The following GET1 variants were observed in gnomAD, a reference collection of about 807,000 sequenced individuals.
GET1 encodes the protein congenital heart disease 5 protein.
A neutral mutation model predicts 22.6 loss-of-function variants in GET1; 20 were observed. The observed-to-expected ratio is 0.89, with a 90% CI of 0.62 to 1.29. The LOEUF (loss-of-function observed/expected upper bound fraction) is 1.29. GET1 is among the 50% of genes most tolerant of loss of function. The probability of loss-of-function intolerance (pLI) is 0.00; values close to 1 mark genes in which losing one functional copy is unlikely to be tolerated. For missense variants in GET1, 209 were observed against 219.9 expected (o/e 0.95, Z 0.31); for synonymous variants, 92 against 83.8 (o/e 1.10, Z -0.53).
chr21:39,406,156 T>G (rs766775595), exon 5 of GET1: 20 of 1,614,272 alleles, frequency 1.2e-5, no homozygotes, highest in Non-Finnish European at 1.5e-5. Flanking sequence ...TCTGGAAGAC[T>G]TACCAAATGA....
At position 39,380,471 on chromosome 21, in the gene GET1, G is replaced by A. The variant is rs758158378; in HGVS notation, c.87G>A (p.Pro29=). The stretch of plus-strand genomic sequence containing the variant: ...GCAATGTTCTTAGGATCCTCCTCCC[G>A]TCCTTCTCATCCTTCGTAAGTGGCT... ...FGCNVLRILL[P]SFSSFMSRVL... is the part of the protein sequence containing the mutation. Residue 29 remains proline, a synonymous_variant, in exon 1 of 5, where the codon CCG becomes CCA. Transcript: ENST00000649170. 4.3e-6 allele frequency: 7 copies of A among 1,612,306 alleles called. No homozygotes were observed. Among genetic ancestry groups the A allele is most frequent in the Middle Eastern group, 1.6e-4 (1 of 6,076 alleles).
intron 1 of GET1, chr21:39,387,901 A>T: frequency 2.1e-6 from 2 of 933,052 alleles, no homozygotes; most frequent in African/African-American, 1.8e-5. Context: ...ATTGTGTGCC[A>T]GGCACACTTT....
At chr21:39,413,047 A>T (rs2040386778) in intron 1 of GET1, among the ~76,000 whole-genome samples, 1 of 152,222 alleles carries the variant, frequency 6.6e-6, no homozygotes, top group African/African-American at 2.4e-5. Flanking sequence ...TTGCATCAAC[A>T]GTCAGCAGGG....
rs547739041 is a variant in GET1, at chr21:39,388,162, C to T, written c.103-2536C>T. On this transcript the variant is annotated intron_variant, in intron 1 of 4. Transcript: ENST00000649170. ...GGCCGAGGCTGGCGGATCGCTTGAG[C>T]TCAGGAGTTCACTGGCAACATAGTG... Among the ~76,000 whole-genome samples the T allele has an allele frequency of 1.6e-4, 25 of 152,166 alleles. No individual in the cohort carries two copies. The East Asian group carries it at 2.9e-3, about 18-fold the overall frequency.
At chr21:39,416,252 C>T (rs1384706429) in intron 1 of GET1, among the ~76,000 whole-genome samples, 4 of 152,188 alleles carry the variant, frequency 2.6e-5, no homozygotes, top group Admixed American at 1.3e-4. Flanking sequence ...ACAAGTGACT[C>T]ATCGCTGAGG....
chr21:39,410,225 T>C, downstream of GET1: 1 of 1,325,208 alleles, frequency 7.5e-7, no homozygotes, highest in Non-Finnish European at 1.1e-6. Context: ...TGTTAAGACA[T>C]GTTTAATCAG....
downstream of GET1, chr21:39,397,928 A>G (rs1422879466): frequency 6.6e-6 from 1 of 152,098 alleles, no homozygotes; most frequent in East Asian, 1.9e-4. Flanking sequence ...TTGTTTCCTA[A>G]TGATCTAATA....
At chr21:39,400,373 GTTAT>G (rs1057348822), downstream of GET1, among the ~76,000 whole-genome samples, 12 of 152,240 alleles carry the variant, frequency 7.9e-5, no homozygotes, top group African/African-American at 2.6e-4. Context: ...GTGATAAAAG[GTTAT>G]TTCAGTGATG....
intron 1 of GET1, among the ~76,000 whole-genome samples, chr21:39,423,893 G>A (rs556259619): frequency 1.3e-5 from 2 of 152,306 alleles, no homozygotes; most frequent in South Asian, 4.2e-4. Context: ...AGTGGCTCAT[G>A]TCTGTAATCT....
At chr21:39,428,350 A>G (rs1394489879) in exon 2 of GET1, 1 of 1,612,254 alleles carries the variant, frequency 6.2e-7, no homozygotes, top group South Asian at 1.1e-5. Flanking sequence ...TATAATCAAC[A>G]CTCTTATTGG....
intron 4 of GET1, among the ~76,000 whole-genome samples, chr21:39,394,806 A>G (rs1013027390): frequency 2.0e-5 from 3 of 152,198 alleles, no homozygotes; most frequent in Non-Finnish European, 2.9e-5. Context: ...GCATATTAGC[A>G]TATGAATTTT....
At chr21:39,427,815 A>C (rs1275624730) in intron 1 of GET1, 2 of 161,058 alleles carry the variant, frequency 1.2e-5, no homozygotes, top group Non-Finnish European at 2.7e-5. Context: ...TTTCACTGGC[A>C]ATTCAAACAC....
chr21:39,381,085 C>G (rs1453531070), intron 1 of GET1, among the ~76,000 whole-genome samples: 1 of 152,174 alleles, frequency 6.6e-6, no homozygotes, highest in Admixed American at 6.5e-5. Flanking sequence ...TCATCCCACC[C>G]TCCTTTACCT....
chr21:39,390,042 GTTTTT>G (rs553712185), intron 1 of GET1, among the ~76,000 whole-genome samples: 2 of 130,900 alleles, frequency 1.5e-5, no homozygotes, highest in African/African-American at 2.9e-5. Flanking sequence ...TTGAATATGA[GTTTTT>G]TTTTTTTTTT....
At position 39,406,569 on chromosome 21, in the gene GET1, C is replaced by T. The variant is rs376585829; in HGVS notation, c.*585C>T. ...TGTCTTTTTGTCTTCCAGTATTCTC[C>T]AGCAGTATTTGGACTTCCAAATGTT... On this transcript the variant is annotated 3_prime_UTR_variant, in exon 5 of 5. Transcript: ENST00000415847. 126 of 1,604,078 alleles carry T rather than the reference C, an allele frequency of 7.9e-5. 2 individuals carry two copies. In the Middle Eastern group the frequency reaches 3.5e-3, roughly 44 times the overall value.
chr21:39,415,068 AT>A (rs2040895391), intron 1 of GET1, among the ~76,000 whole-genome samples: 1 of 151,960 alleles, frequency 6.6e-6, no homozygotes, highest in South Asian at 2.1e-4. Flanking sequence ...TGCCCAGATA[AT>A]TTCTAAATTT....
intron 1 of GET1, among the ~76,000 whole-genome samples, chr21:39,426,878 G>A (rs932018993): frequency 6.6e-6 from 1 of 152,220 alleles, no homozygotes; most frequent in Non-Finnish European, 1.5e-5. Context: ...CTCTAGAAAA[G>A]TAACATTTAA....
chr21:39,420,588 G>A, intron 1 of GET1: 1 of 678,310 alleles, frequency 1.5e-6, no homozygotes, highest in Non-Finnish European at 2.3e-6. Context: ...ACAAAGGGTA[G>A]AGGAGCCTTA....
downstream of GET1, among the ~76,000 whole-genome samples, chr21:39,400,741 T>G (rs543816243): frequency 6.6e-6 from 1 of 152,244 alleles, no homozygotes; most frequent in Non-Finnish European, 1.5e-5. Context: ...CATGCATCTT[T>G]GGGTTCTAAT....
Sources: gnomAD v4.1 joint callset for allele counts (sites outside exome capture counted in the v4.1 genomes callset) on GRCh38, gnomAD v4.1.1 for gene constraint, MANE v1.5 for transcripts, NCBI Gene and HGNC (gene_info 2026-07-23, HGNC 2026-07-21) for gene names.